Variants in FAM186A observed in about 807,000 individuals in gnomAD.
FAM186A encodes protein FAM186A.
Under a neutral mutation model 216.8 loss-of-function variants are expected in FAM186A, and 163 were observed. The observed-to-expected ratio is 0.75, with a 90% CI of 0.66 to 0.86. FAM186A has a LOEUF of 0.86. FAM186A is among the 40% of genes least tolerant of loss of function. The pLI is 0.00. For missense variants in FAM186A, 2,184 were observed against 2,746.2 expected (o/e 0.80, Z 4.58); for synonymous variants, 805 against 1,025.3 (o/e 0.79, Z 4.10).
chr12:50,369,572 A>G (rs998303145), intron 1 of FAM186A, among the ~76,000 whole-genome samples: 2 of 152,184 alleles, frequency 1.3e-5, no homozygotes, highest in Non-Finnish European at 2.9e-5. Context: ...AAAAATCAAC[A>G]GATTGAAAAG....
chr12:50,350,737 G>A lies in FAM186A; in HGVS notation c.6095C>T (p.Thr2032Ile), dbSNP rs1190676914. 5 of 1,551,690 alleles carry A rather than the reference G, an allele frequency of 3.2e-6. No individual in the cohort carries two copies. Among genetic ancestry groups the A allele is most frequent in the Non-Finnish European group, 4.4e-6 (5 of 1,146,980 alleles). ...GAGAGTGAGAAGGGCCCTTTCATCA[G>A]TGTAAGGGGTTTGGTATACTGGTGT... ...YRTPVYQTPY[T>I]DERALLTLMK... The change falls in exon 4 of 8, where the codon ACT becomes ATT. Residue 2032 changes from threonine (T) to isoleucine (I), a missense_variant. Thr to Ile is a moderately conservative substitution (Grantham distance 89). This residue lies in a region of FAM186A where 721 missense variants were observed against 816.4 expected (regional missense o/e 0.88). Transcript: ENST00000327337.
At chr12:50,360,685 A>AG in intron 3 of FAM186A, 71 bp downstream of exon 3, 1 of 1,393,528 alleles carries the variant, frequency 7.2e-7, no homozygotes, top group Non-Finnish European at 9.5e-7. Flanking sequence ...ACTGAAAAAA[A>AG]AAAAAGTTGT....
At chr12:50,364,207 GA>G (rs376958198) in intron 1 of FAM186A, among the ~76,000 whole-genome samples, 51 of 149,404 alleles carry the variant, frequency 3.4e-4, no homozygotes, top group African/African-American at 7.4e-4. Context: ...ATTCATGTAG[GA>G]AAAAAAAAAT....
At chr12:50,347,371 A>G (rs1268605989) in intron 4 of FAM186A, among the ~76,000 whole-genome samples, 2 of 152,096 alleles carry the variant, frequency 1.3e-5, no homozygotes, top group African/African-American at 2.4e-5. Context: ...GACCTCAAAG[A>G]CTCAGCATCA....
At chr12:50,335,415 G>C (rs1202469888) in intron 4 of FAM186A, among the ~76,000 whole-genome samples, 1 of 152,140 alleles carries the variant, frequency 6.6e-6, no homozygotes, top group Non-Finnish European at 1.5e-5. Context: ...GGAAGCCAAG[G>C]CTGGTGGATC....
At chr12:50,375,325 A>G (rs949919037) in intron 1 of FAM186A, among the ~76,000 whole-genome samples, 8 of 152,138 alleles carry the variant, frequency 5.3e-5, no homozygotes, top group Admixed American at 1.3e-4. Flanking sequence ...AGGTGGGTGG[A>G]TCACCTGAGG....
intron 1 of FAM186A, among the ~76,000 whole-genome samples, chr12:50,379,865 T>A (rs1032192668): frequency 1.3e-5 from 2 of 151,206 alleles, no homozygotes; most frequent in African/African-American, 4.9e-5. Context: ...AAATGAAAAA[T>A]TATGCATGAA....
At chr12:50,386,250 G>A (rs572745890) in intron 1 of FAM186A, among the ~76,000 whole-genome samples, 4 of 149,694 alleles carry the variant, frequency 2.7e-5, no homozygotes, top group South Asian at 2.1e-4. Flanking sequence ...CCAACATGGC[G>A]AAACCCTGTC....
At chr12:50,348,038 A>ATTTTTT (rs71083540) in intron 4 of FAM186A, among the ~76,000 whole-genome samples, 9 of 81,356 alleles carry the variant, frequency 1.1e-4, no homozygotes, top group East Asian at 4.0e-4. Flanking sequence ...ATGCCTGGTA[A>ATTTTTT]TTTTTTTTTT....
chr12:50,347,475 A>G (rs1160999370), intron 4 of FAM186A, among the ~76,000 whole-genome samples: 1 of 152,118 alleles, frequency 6.6e-6, no homozygotes, highest in Non-Finnish European at 1.5e-5. Context: ...TCACACCTGT[A>G]ATCCCAGCAC....
chr12:50,338,675 G>A (rs1157142978), intron 4 of FAM186A, among the ~76,000 whole-genome samples: 1 of 152,114 alleles, frequency 6.6e-6, no homozygotes, highest in Non-Finnish European at 1.5e-5. Flanking sequence ...CTTTAAGACA[G>A]TGTAGTATAA....
chr12:50,377,082 C>G (rs1030227168), intron 1 of FAM186A, among the ~76,000 whole-genome samples: 1 of 151,806 alleles, frequency 6.6e-6, no homozygotes, highest in African/African-American at 2.4e-5. Context: ...TTTAAAGGGG[C>G]AATCTTCTGG....
At chr12:50,343,893 A>G (rs1026026869) in intron 4 of FAM186A, among the ~76,000 whole-genome samples, 1 of 150,376 alleles carries the variant, frequency 6.6e-6, no homozygotes, top group African/African-American at 2.4e-5. Flanking sequence ...TGCTGGGATT[A>G]TAGGTGTGAG....
chr12:50,333,966 G>T lies in FAM186A; in HGVS notation c.6641C>A (p.Ser2214Tyr), dbSNP rs1354358900. Reference sequence around the variant, plus strand: ...GCACTGATTCCGTTTCTGCCCTAGAGACTTCTGCTTCTCAGTCCAGACCTG... The same window carrying T: ...GCACTGATTCCGTTTCTGCCCTAGATACTTCTGCTTCTCAGTCCAGACCTG... ...VMQVWTEKQK[S>Y]LGQKRNQCLK... The change falls in exon 5 of 8, where the codon TCT becomes TAT. Residue 2214 changes from serine (S) to tyrosine (Y), a missense_variant. By Grantham distance (144) the Ser-to-Tyr change is moderately radical. This residue lies in a region of FAM186A where 721 missense variants were observed against 816.4 expected (regional missense o/e 0.88). Transcript: ENST00000327337. The T allele has an allele frequency of 1.5e-5, 24 of 1,551,634 alleles. No individual in the cohort carries two copies. Among genetic ancestry groups the T allele is most frequent in the Non-Finnish European group, 1.9e-5 (22 of 1,146,992 alleles).
chr12:50,356,049 T>A lies in FAM186A; in HGVS notation c.783A>T (p.Ile261=), dbSNP rs918295801. The change falls in exon 4 of 8, where the codon ATA becomes ATT. Residue 261 remains isoleucine, a synonymous_variant. Transcript: ENST00000327337. ...STLENNAIKY[I]SSTIVNLSTA... ...TAGAAAGGTTTACTATTGTTGATGA[T>A]ATATATTTAATAGCATTGTTTTCCA... 6.4e-7 allele frequency: 1 copy of A among 1,551,608 alleles called. No individual in the cohort carries two copies. Among genetic ancestry groups the A allele is most frequent in the Middle Eastern group, 1.7e-4 (1 of 5,992 alleles).
intron 4 of FAM186A, among the ~76,000 whole-genome samples, chr12:50,349,231 A>G (rs948643696): frequency 1.4e-5 from 2 of 144,076 alleles, no homozygotes; most frequent in East Asian, 4.0e-4. Context: ...TTTTTCCCTG[A>G]GACTGGGTCT....
At chr12:50,342,938 ATTT>A (rs66491621) in intron 4 of FAM186A, among the ~76,000 whole-genome samples, 8 of 141,278 alleles carry the variant, frequency 5.7e-5, no homozygotes, top group African/African-American at 7.8e-5. Context: ...AGACTAGATA[ATTT>A]TTTTTTTTTT....
intron 1 of FAM186A, among the ~76,000 whole-genome samples, chr12:50,373,078 A>AAAAG (rs563875264): frequency 6.9e-6 from 1 of 145,036 alleles, no homozygotes; most frequent in African/African-American, 2.5e-5. Context: ...AAAGAAAGAG[A>AAAAG]AAAGAAAGAA....
chr12:50,384,144 A>T (rs927333588), intron 1 of FAM186A, among the ~76,000 whole-genome samples: 1 of 151,916 alleles, frequency 6.6e-6, no homozygotes, highest in African/African-American at 2.4e-5. Context: ...AAATCCTAAG[A>T]TATGTACAGA....
Sources: gnomAD v4.1 joint callset for allele counts (sites outside exome capture counted in the v4.1 genomes callset) on GRCh38, gnomAD v4.1.1 for gene constraint, gnomAD v4.1.1 regional missense constraint, MANE v1.5 for transcripts, NCBI Gene and HGNC (gene_info 2026-07-23, HGNC 2026-07-21) for gene names.